Variants in TAFA4 observed in about 807,000 individuals in gnomAD.
TAFA4 encodes the protein chemokine-like protein TAFA-4.
Under a neutral mutation model 21.1 loss-of-function variants are expected in TAFA4, and 20 were observed. The observed-to-expected ratio is 0.95, with a 90% CI of 0.67 to 1.38. The LOEUF (loss-of-function observed/expected upper bound fraction) is 1.38, where lower values mean the gene tolerates loss of function less well. TAFA4 is among the 40% of genes most tolerant of loss of function. The pLI, the probability that TAFA4 is intolerant of heterozygous loss-of-function variation, is 0.00. For missense variants in TAFA4, 211 were observed against 180.9 expected, an observed-to-expected ratio of 1.17 and a Z score of -0.95; for synonymous variants, 71 against 67.4, an observed-to-expected ratio of 1.05 and a Z score of -0.26.
chr3:68,767,066 T>C (rs1702868006), intron 3 of TAFA4, among the ~76,000 whole-genome samples: 1 of 152,164 alleles, frequency 6.6e-6, no homozygotes, highest in African/African-American at 2.4e-5. Flanking sequence ...TTGAATATTT[T>C]ATTTATTTCA....
intron 3 of TAFA4, among the ~76,000 whole-genome samples, chr3:68,864,429 T>A (rs2089390584): frequency 6.6e-6 from 1 of 152,098 alleles, no homozygotes; most frequent in Non-Finnish European, 1.5e-5. Flanking sequence ...TGGCTAAAAT[T>A]AAAGATACAG....
chr3:68,802,706 G>A (rs566856865), intron 3 of TAFA4, among the ~76,000 whole-genome samples: 2 of 152,298 alleles, frequency 1.3e-5, no homozygotes, highest in East Asian at 3.9e-4. Flanking sequence ...AGAGCACACA[G>A]AGAACTGTCT....
chr3:68,846,155 C>T (rs1220327380), intron 3 of TAFA4, among the ~76,000 whole-genome samples: 1 of 152,102 alleles, frequency 6.6e-6, no homozygotes, highest in East Asian at 1.9e-4. Context: ...GTACACCAAT[C>T]AAACGTAGAT....
chr3:68,793,020 T>C (rs1703391859), intron 3 of TAFA4, among the ~76,000 whole-genome samples: 1 of 152,206 alleles, frequency 6.6e-6, no homozygotes, highest in Non-Finnish European at 1.5e-5. Flanking sequence ...TTATGTTGTC[T>C]CTTAATGGCA....
At chr3:68,838,282 G>A (rs1553646131) in intron 3 of TAFA4, among the ~76,000 whole-genome samples, 2 of 152,126 alleles carry the variant, frequency 1.3e-5, no homozygotes, top group Non-Finnish European at 2.9e-5. Context: ...ATGGCTAGAT[G>A]TTAATTAAGT....
chr3:68,802,002 G>GT lies in TAFA4; in HGVS notation c.131-48985dup, dbSNP rs780843439. On this transcript the variant is annotated intron_variant, in intron 3 of 5. Transcript: ENST00000295569. ...GGTACAAGATGCAAGCCAGCCACTC[G>GT]TATCTTCAGATTTTTCTTCCAAGTA... 4.7e-4 allele frequency among the ~76,000 whole-genome samples: 72 copies of GT among 152,044 alleles called. 2 individuals are homozygous for GT. In the East Asian group the frequency reaches 0.013, roughly 28 times the overall value.
intron 3 of TAFA4, among the ~76,000 whole-genome samples, chr3:68,872,601 G>A (rs2089496205): frequency 6.6e-6 from 1 of 152,088 alleles, no homozygotes; most frequent in Admixed American, 6.6e-5. Flanking sequence ...GGTGATCGAT[G>A]TTGCAACTGT....
intron 3 of TAFA4, among the ~76,000 whole-genome samples, chr3:68,838,665 A>T (rs565921989): frequency 6.6e-6 from 1 of 152,198 alleles, no homozygotes; most frequent in African/African-American, 2.4e-5. Context: ...CCCCTTTGTT[A>T]ACCCTTTAAA....
intron 4 of TAFA4, among the ~76,000 whole-genome samples, chr3:68,741,849 A>G (rs1003881677): frequency 3.3e-5 from 5 of 151,482 alleles, no homozygotes; most frequent in African/African-American, 7.4e-5. Flanking sequence ...AGAATCGAAG[A>G]AGAGAGAACA....
intron 3 of TAFA4, among the ~76,000 whole-genome samples, chr3:68,805,368 A>AG (rs1703670298): frequency 1.3e-5 from 2 of 152,352 alleles, no homozygotes; most frequent in African/African-American, 4.8e-5. Context: ...ACTGCAAACT[A>AG]GTTCAACCAT....
chr3:68,917,015 G>A (rs2090010313), intron 1 of TAFA4, among the ~76,000 whole-genome samples: 1 of 152,164 alleles, frequency 6.6e-6, no homozygotes, highest in South Asian at 2.1e-4. Context: ...TACTAAGGTA[G>A]GGGGAAGAAT....
At chr3:68,798,378 G>C (rs1004244601) in intron 3 of TAFA4, among the ~76,000 whole-genome samples, 13 of 152,114 alleles carry the variant, frequency 8.5e-5, no homozygotes, top group African/African-American at 3.1e-4. Context: ...ACAAAATTAT[G>C]AGCCATCAAT....
chr3:68,755,090 G>A (rs1443226245), intron 3 of TAFA4, among the ~76,000 whole-genome samples: 1 of 152,186 alleles, frequency 6.6e-6, no homozygotes, highest in Admixed American at 6.5e-5. Context: ...AAGGAAGTAT[G>A]TGCGCAGGTA....
At chr3:68,883,177 G>A (rs907472951) in intron 2 of TAFA4, 3 of 152,294 alleles carry the variant, frequency 2.0e-5, no homozygotes, top group African/African-American at 7.2e-5. Flanking sequence ...TCCTCATCTG[G>A]AGGCTCAACT....
chr3:68,868,716 C>T (rs1049346777), intron 3 of TAFA4, among the ~76,000 whole-genome samples: 7 of 151,722 alleles, frequency 4.6e-5, no homozygotes, highest in Non-Finnish European at 1.0e-4. Context: ...AAACAAACAT[C>T]CCAAAATCTA....
intron 3 of TAFA4, among the ~76,000 whole-genome samples, chr3:68,759,738 G>C (rs565742957): frequency 1.3e-5 from 2 of 152,170 alleles, no homozygotes; most frequent in Admixed American, 6.5e-5. Flanking sequence ...GTGTGAATTG[G>C]AGCAGGCAAG....
chr3:68,902,913 C>A (rs1486523253), intron 1 of TAFA4, among the ~76,000 whole-genome samples: 1 of 152,126 alleles, frequency 6.6e-6, no homozygotes, highest in East Asian at 1.9e-4. Context: ...TTAGTAAAAT[C>A]ACTTTCCAAA....
At position 68,733,044 on chromosome 3, in the gene TAFA4, C is replaced by T. The variant is rs957844302; in HGVS notation, c.*98G>A. ...TATACAAATATGAAGTTGCTGAAATCCTAGACAATTTTCTGCAAAGGGGCC... is the reference window on the plus strand; with the variant it reads ...TATACAAATATGAAGTTGCTGAAATTCTAGACAATTTTCTGCAAAGGGGCC... On this transcript the variant is annotated 3_prime_UTR_variant, in exon 6 of 6. Coordinates refer to ENST00000295569, the MANE Select transcript of TAFA4 (RefSeq NM_182522.5). 1.3e-6 allele frequency: 2 copies of T among 1,538,994 alleles called. No individual in the cohort carries two copies. The highest frequency in any genetic ancestry group is 1.8e-6 in the Non-Finnish European group (2 of 1,123,616).
At chr3:68,896,724 C>CT (rs2089793322) in intron 1 of TAFA4, among the ~76,000 whole-genome samples, 2 of 152,286 alleles carry the variant, frequency 1.3e-5, no homozygotes, top group South Asian at 4.1e-4. Context: ...AGTAGGGTAC[C>CT]TGTGAAGCCC....
Sources: gnomAD v4.1 joint callset for allele counts (sites outside exome capture counted in the v4.1 genomes callset) on GRCh38, gnomAD v4.1.1 for gene constraint, MANE v1.5 for transcripts, NCBI Gene and HGNC (gene_info 2026-07-23, HGNC 2026-07-21) for gene names.